The following MALRD1 variants were observed in gnomAD, a reference collection of about 807,000 sequenced individuals.
MALRD1 encodes MAM and LDL-receptor class A domain-containing protein 1.
MALRD1 carries 247 observed loss-of-function variants against 242.1 expected under a neutral mutation model. That is an observed-to-expected ratio of 1.02 (90% confidence interval 0.92 to 1.13). The LOEUF (loss-of-function observed/expected upper bound fraction) is 1.13, where lower values mean the gene tolerates loss of function less well. MALRD1 is among the 50% of genes most tolerant of loss of function. The pLI, the probability that MALRD1 is intolerant of heterozygous loss-of-function variation, is 0.00. For synonymous variants in MALRD1, 995 were observed against 866.6 expected (o/e 1.15, Z -2.60); for missense variants, 2,989 against 2,533.1 (o/e 1.18, Z -3.86).
At chr10:19,729,615 A>T (rs1835194289) in intron 38 of MALRD1, among the ~76,000 whole-genome samples, 2 of 118,856 alleles carry the variant, frequency 1.7e-5, no homozygotes, top group South Asian at 2.8e-4. Context: ...GTGTGTGTGT[A>T]TTTAGTTCTT....
chr10:19,208,748 G>A (rs568762143), intron 17 of MALRD1, among the ~76,000 whole-genome samples: 6 of 152,158 alleles, frequency 3.9e-5, no homozygotes, highest in Non-Finnish European at 5.9e-5. Context: ...ACACATGATT[G>A]TTCCCAGCCC....
At chr10:19,367,950 G>A (rs766505729) in intron 26 of MALRD1, among the ~76,000 whole-genome samples, 1 of 151,736 alleles carries the variant, frequency 6.6e-6, no homozygotes, top group Non-Finnish European at 1.5e-5. Flanking sequence ...TTAAATTGGA[G>A]TATTATTATT....
At chr10:19,491,306 T>C in intron 29 of MALRD1, 1 of 712,892 alleles carries the variant, frequency 1.4e-6, no homozygotes, top group Non-Finnish European at 2.3e-6. Context: ...TCAAAGTGCA[T>C]AAAAGATATT....
intron 28 of MALRD1, among the ~76,000 whole-genome samples, chr10:19,395,999 T>C (rs1301645208): frequency 1.3e-5 from 2 of 152,180 alleles, no homozygotes. Flanking sequence ...GAGAAGCATA[T>C]AGTCGGCTCT....
chr10:19,408,744 T>A (rs1833145296), intron 28 of MALRD1, among the ~76,000 whole-genome samples: 1 of 152,036 alleles, frequency 6.6e-6, no homozygotes, highest in Non-Finnish European at 1.5e-5. Flanking sequence ...CCGACCAGAA[T>A]AGTGAAAAAA....
At chr10:19,471,520 G>T (rs1836496076) in intron 29 of MALRD1, among the ~76,000 whole-genome samples, 2 of 151,600 alleles carry the variant, frequency 1.3e-5, no homozygotes, top group African/African-American at 4.8e-5. Context: ...GATCACTTTG[G>T]GTAGTATAGA....
At chr10:19,292,198 C>T (rs889363138) in intron 21 of MALRD1, among the ~76,000 whole-genome samples, 2 of 151,900 alleles carry the variant, frequency 1.3e-5, no homozygotes, top group East Asian at 1.9e-4. Context: ...CATTTCAAGG[C>T]CCCCTTTGGC....
chr10:19,686,035 A>T (rs2131806787), intron 36 of MALRD1, among the ~76,000 whole-genome samples: 1 of 152,252 alleles, frequency 6.6e-6, no homozygotes, highest in Middle Eastern at 3.4e-3. Flanking sequence ...TAGGCAGTGA[A>T]TTCTTATGGG....
intron 28 of MALRD1, among the ~76,000 whole-genome samples, chr10:19,441,322 T>C (rs568571765): frequency 6.6e-6 from 1 of 152,358 alleles, no homozygotes; most frequent in East Asian, 1.9e-4. Context: ...TTTCTTTTGC[T>C]GTGCAGAAGC....
Position 19,527,137 on chromosome 10 carries a change from G to C in MALRD1, c.5321-4057G>C, listed in dbSNP as rs73595826. Reference sequence around the variant, plus strand: ...TTTCAAGTACTTGAAATGTTGTTAGGTACCAGGCTGGAAGAAATATCTCAA... The same window carrying C: ...TTTCAAGTACTTGAAATGTTGTTAGCTACCAGGCTGGAAGAAATATCTCAA... On this transcript the variant is annotated intron_variant, in intron 31 of 39. Coordinates refer to ENST00000454679, the MANE Select transcript of MALRD1 (RefSeq NM_001142308.3). Among the ~76,000 whole-genome samples, 568 of 152,190 alleles carry C rather than the reference G, an allele frequency of 3.7e-3. 4 individuals are homozygous for C. The highest frequency in any genetic ancestry group is 0.013 in the African/African-American group (539 of 41,540).
At chr10:19,589,262 G>T (rs1465511427) in intron 33 of MALRD1, among the ~76,000 whole-genome samples, 1 of 149,020 alleles carries the variant, frequency 6.7e-6, no homozygotes, top group Non-Finnish European at 1.5e-5. Context: ...ATGTATACCA[G>T]TATTAGTGTG....
At chr10:19,176,923 T>G (rs184418801) in intron 14 of MALRD1, among the ~76,000 whole-genome samples, 1 of 152,090 alleles carries the variant, frequency 6.6e-6, no homozygotes, top group Non-Finnish European at 1.5e-5. Flanking sequence ...TGCACATGTG[T>G]GTATGATTCT....
chr10:19,087,382 G>A (rs1411619092), intron 2 of MALRD1, among the ~76,000 whole-genome samples: 1 of 151,974 alleles, frequency 6.6e-6, no homozygotes, highest in East Asian at 1.9e-4. Flanking sequence ...GGCAACATAA[G>A]GAAGTAAAAA....
chr10:19,484,366 C>T (rs1199515536), intron 29 of MALRD1, among the ~76,000 whole-genome samples: 1 of 152,084 alleles, frequency 6.6e-6, no homozygotes, highest in Non-Finnish European at 1.5e-5. Context: ...GATGTTCATA[C>T]ATATTTACTT....
At chr10:19,656,445 G>T (rs1398099812) in intron 36 of MALRD1, among the ~76,000 whole-genome samples, 1 of 152,006 alleles carries the variant, frequency 6.6e-6, no homozygotes, top group Non-Finnish European at 1.5e-5. Context: ...ATAAATAAGT[G>T]TTTTTCTTTA....
intron 21 of MALRD1, among the ~76,000 whole-genome samples, chr10:19,286,898 G>A (rs1337260108): frequency 6.7e-6 from 1 of 150,244 alleles, no homozygotes; most frequent in African/African-American, 2.5e-5. Flanking sequence ...TATCCTTGAT[G>A]AACATTGATG....
At chr10:19,710,697 C>T (rs530940461) in intron 38 of MALRD1, 1 of 152,318 alleles carries the variant, frequency 6.6e-6, no homozygotes, top group South Asian at 2.1e-4. Flanking sequence ...ATTATTTGGT[C>T]TGACAGCTAT....
intron 21 of MALRD1, among the ~76,000 whole-genome samples, chr10:19,305,416 A>C (rs938099282): frequency 1.3e-5 from 2 of 151,532 alleles, no homozygotes; most frequent in African/African-American, 4.8e-5. Flanking sequence ...GTTTCTGTGC[A>C]TTTTGATGTA....
At chr10:19,290,351 G>A (rs1841353046) in intron 21 of MALRD1, 1 of 152,186 alleles carries the variant, frequency 6.6e-6, no homozygotes, top group Non-Finnish European at 1.5e-5. Context: ...GGCATTTTCA[G>A]CACAGAGTTC....
Sources: gnomAD v4.1 joint callset for allele counts (sites outside exome capture counted in the v4.1 genomes callset) on GRCh38, gnomAD v4.1.1 for gene constraint, MANE v1.5 for transcripts, NCBI Gene and HGNC (gene_info 2026-07-23, HGNC 2026-07-21) for gene names.